SSH2: variants seen among roughly 807,000 people sequenced by gnomAD.
SSH2 encodes slingshot protein phosphatase 2, also known as protein phosphatase Slingshot homolog 2.
A neutral mutation model predicts 135.2 loss-of-function variants in SSH2; 37 were observed. That is an observed-to-expected ratio of 0.27 (90% CI 0.21 to 0.36). SSH2 has a LOEUF of 0.36. Ranked by LOEUF, SSH2 falls within the 10% of genes least tolerant of loss-of-function variation. The pLI, the probability that SSH2 is intolerant of heterozygous loss-of-function variation, is 1.00. For synonymous variants in SSH2, 628 were observed against 646.2 expected (o/e 0.97, Z 0.43); for missense variants, 1,408 against 1,765.3 (o/e 0.80, Z 3.63).
chr17:29,637,264 A>G (rs1173606034), intron 14 of SSH2, among the ~76,000 whole-genome samples: 2 of 152,052 alleles, frequency 1.3e-5, no homozygotes, highest in Non-Finnish European at 2.9e-5. Flanking sequence ...ATGCCTGGCT[A>G]ATTTTTGTAT....
intron 3 of SSH2, among the ~76,000 whole-genome samples, chr17:29,742,256 G>T (rs116527195): frequency 6.6e-6 from 1 of 150,700 alleles, no homozygotes; most frequent in South Asian, 2.1e-4. Context: ...AGACTAGTTC[G>T]GTTAAAAACA....
chr17:29,763,946 C>CT (rs57261890), intron 3 of SSH2, among the ~76,000 whole-genome samples: 140 of 139,710 alleles, frequency 1.0e-3, no homozygotes, highest in African/African-American at 1.7e-3. Flanking sequence ...ATGTCTCCTG[C>CT]TTTTTTTTTT....
chr17:29,879,116 G>A (rs978977495), intron 1 of SSH2, among the ~76,000 whole-genome samples: 3 of 152,058 alleles, frequency 2.0e-5, no homozygotes, highest in Non-Finnish European at 4.4e-5. Context: ...ATGGTAAAAA[G>A]TCCAAGAGCT....
intron 1 of SSH2, among the ~76,000 whole-genome samples, chr17:29,868,970 A>AT (rs1158688020): frequency 6.6e-6 from 1 of 152,202 alleles, no homozygotes; most frequent in East Asian, 1.9e-4. Context: ...ATGTCAGGAA[A>AT]TAAGTAAAGG....
chr17:29,907,417 G>C (rs2066674992), intron 1 of SSH2, among the ~76,000 whole-genome samples: 1 of 152,140 alleles, frequency 6.6e-6, no homozygotes, highest in Admixed American at 6.5e-5. Flanking sequence ...TTAATACCTA[G>C]GTAATGGGAT....
chr17:29,925,303 G>A, intron 1 of SSH2: 1 of 381,720 alleles, frequency 2.6e-6, no homozygotes, highest in Non-Finnish European at 4.6e-6. Flanking sequence ...GGGGATTGGT[G>A]GGAGAATGGG....
chr17:29,715,634 G>A (rs2039597459), intron 3 of SSH2, among the ~76,000 whole-genome samples: 1 of 152,090 alleles, frequency 6.6e-6, no homozygotes. Flanking sequence ...AAATGGTATG[G>A]TTATTTGATG....
chr17:29,734,859 G>A (rs1049895602), intron 3 of SSH2, among the ~76,000 whole-genome samples: 2 of 152,166 alleles, frequency 1.3e-5, no homozygotes, highest in African/African-American at 2.4e-5. Flanking sequence ...CTTCTCAATA[G>A]AGAGAAAAAC....
intron 3 of SSH2, among the ~76,000 whole-genome samples, chr17:29,744,205 G>A (rs1364428221): frequency 1.3e-5 from 2 of 152,126 alleles, no homozygotes; most frequent in Non-Finnish European, 2.9e-5. Context: ...GGGGGTGAGG[G>A]GCCAGGTGGG....
intron 4 of SSH2, among the ~76,000 whole-genome samples, chr17:29,701,394 G>A (rs1275986238): frequency 1.4e-5 from 2 of 145,692 alleles, no homozygotes; most frequent in African/African-American, 2.5e-5. Flanking sequence ...GGCGCGAGCC[G>A]TGCCTGGCTC....
chr17:29,737,740 T>C (rs1469895243), intron 3 of SSH2, among the ~76,000 whole-genome samples: 1 of 152,206 alleles, frequency 6.6e-6, no homozygotes, highest in African/African-American at 2.4e-5. Context: ...AATATTACTA[T>C]AACCCAGCAA....
intron 3 of SSH2, among the ~76,000 whole-genome samples, chr17:29,718,536 G>T (rs539233214): frequency 6.6e-6 from 1 of 151,798 alleles, no homozygotes; most frequent in Admixed American, 6.6e-5. Context: ...CTACAGTCCC[G>T]TCCTGGCTAA....
chr17:29,762,124 G>A (rs1044875694), intron 3 of SSH2, among the ~76,000 whole-genome samples: 2 of 151,910 alleles, frequency 1.3e-5, no homozygotes, highest in Non-Finnish European at 1.5e-5. Flanking sequence ...CCGGTGATCC[G>A]CCCGTCTCGG....
Position 29,815,790 on chromosome 17 carries a change from A to C in SSH2, c.145-21853T>G, listed in dbSNP as rs866624602. On this transcript the variant is annotated intron_variant, in intron 2 of 15. Coordinates refer to ENST00000540801, the MANE Select transcript of SSH2 (RefSeq NM_001282129.2). ...CCATGTGAACTCAGCTCAAATTCAC[A>C]ATCTTTTCTATCCTATTCAATGTCC... Among the ~76,000 whole-genome samples, 13 of 152,288 alleles carry C rather than the reference A, an allele frequency of 8.5e-5. No individual in the cohort carries two copies. The Middle Eastern group carries it at 0.01, about 120-fold the overall frequency.
At chr17:29,848,431 C>T (rs1203519003) in intron 2 of SSH2, among the ~76,000 whole-genome samples, 2 of 152,036 alleles carry the variant, frequency 1.3e-5, no homozygotes, top group South Asian at 4.1e-4. Flanking sequence ...ATGTGAGGCC[C>T]ATGTACGTGA....
chr17:29,852,519 G>A (rs937769627), intron 1 of SSH2, among the ~76,000 whole-genome samples: 1 of 151,314 alleles, frequency 6.6e-6, no homozygotes, highest in African/African-American at 2.4e-5. Context: ...AAGGACAAAG[G>A]TCAAGTTCAT....
chr17:29,769,527 A>G (rs1360382261), intron 3 of SSH2, among the ~76,000 whole-genome samples: 2 of 152,216 alleles, frequency 1.3e-5, no homozygotes, highest in Non-Finnish European at 2.9e-5. Context: ...CATTTTCCAA[A>G]GCACTTATAT....
chr17:29,902,674 A>G (rs375513281), intron 1 of SSH2, among the ~76,000 whole-genome samples: 2 of 152,122 alleles, frequency 1.3e-5, no homozygotes, highest in South Asian at 2.1e-4. Context: ...ATATTCTTCA[A>G]TTTTACTATT....
At chr17:29,777,148 G>T (rs1375749356) in intron 3 of SSH2, among the ~76,000 whole-genome samples, 1 of 151,418 alleles carries the variant, frequency 6.6e-6, no homozygotes, top group Non-Finnish European at 1.5e-5. Flanking sequence ...GAAGATGGAG[G>T]TTGCAGTGAG....
Sources: gnomAD v4.1 joint callset for allele counts (sites outside exome capture counted in the v4.1 genomes callset) on GRCh38, gnomAD v4.1.1 for gene constraint, MANE v1.5 for transcripts, NCBI Gene and HGNC (gene_info 2026-07-23, HGNC 2026-07-21) for gene names.